The following ATXN7 variants were observed in gnomAD, a reference collection of about 807,000 sequenced individuals.
ATXN7 encodes the protein ataxin 7.
Under a neutral mutation model 70.5 loss-of-function variants are expected in ATXN7, and 12 were observed. The observed-to-expected ratio is 0.17, with a 90% CI of 0.11 to 0.28. ATXN7 has a LOEUF of 0.28. Ranked by LOEUF, ATXN7 falls within the 10% of genes least tolerant of loss-of-function variation. The pLI, the probability that ATXN7 is intolerant of heterozygous loss-of-function variation, is 1.00. For missense variants in ATXN7, 1,256 were observed against 1,131.7 expected (o/e 1.11, Z -1.58); for synonymous variants, 498 against 448.7 (o/e 1.11, Z -1.39).
chr3:63,985,427 C>T (rs1033404167), intron 8 of ATXN7, among the ~76,000 whole-genome samples: 5 of 152,226 alleles, frequency 3.3e-5, no homozygotes, highest in Non-Finnish European at 4.4e-5. Context: ...CAGCATCCAC[C>T]AGGCCTGCCC....
chr3:63,948,409 C>G (rs1363282841), intron 4 of ATXN7, among the ~76,000 whole-genome samples: 1 of 152,052 alleles, frequency 6.6e-6, no homozygotes, highest in Non-Finnish European at 1.5e-5. Flanking sequence ...TATAAGACAT[C>G]TAGATGGTAA....
At position 63,912,755 on chromosome 3, in the gene ATXN7, C is replaced by T. The variant is rs1704095391; in HGVS notation, c.157C>T (p.Pro53Ser). 1.5e-6 allele frequency: 2 copies of T among 1,318,824 alleles called. No homozygotes were observed. Among genetic ancestry groups the T allele is most frequent in the Non-Finnish European group, 1.9e-6 (2 of 1,033,826 alleles). The allele number at this position is 1,318,824 out of a possible 1,614,324, so 81.7% of individuals were successfully genotyped here. A position where few individuals can be genotyped will look rare whatever the true frequency, so the allele number is the denominator to read the frequency against. Reference sequence around the variant, plus strand: ...GCCCCAGCGGCAGCAGCACCCGCCACCGCCGCCACGGCGCACACGGCCGGA... The same window carrying T: ...GCCCCAGCGGCAGCAGCACCCGCCATCGCCGCCACGGCGCACACGGCCGGA... ...PQPQRQQHPP[P>S]PPRRTRPEDG... Residue 53 changes from proline to serine, a missense_variant, in exon 3 of 13, where the codon CCG (proline) becomes TCG (serine). Pro to Ser is a moderately conservative substitution (Grantham distance 74, BLOSUM62 -1). Transcript: ENST00000674280.
intron 4 of ATXN7, among the ~76,000 whole-genome samples, chr3:63,929,141 A>C (rs1345116232): frequency 6.6e-6 from 1 of 152,176 alleles, no homozygotes; most frequent in Non-Finnish European, 1.5e-5. Flanking sequence ...GAAATGGCGT[A>C]TTTATTACCC....
At chr3:63,953,748 T>A (rs1372807121) in intron 5 of ATXN7, among the ~76,000 whole-genome samples, 3 of 151,846 alleles carry the variant, frequency 2.0e-5, no homozygotes, top group Non-Finnish European at 4.4e-5. Flanking sequence ...CCTCCCAGAT[T>A]CAAGCAATTC....
At chr3:63,876,300 C>G (rs570943826) in intron 1 of ATXN7, among the ~76,000 whole-genome samples, 1 of 152,130 alleles carries the variant, frequency 6.6e-6, no homozygotes, top group African/African-American at 2.4e-5. Flanking sequence ...CATAGCTCCT[C>G]TTAGCTGCTC....
intron 5 of ATXN7, among the ~76,000 whole-genome samples, chr3:63,977,566 T>C (rs926218373): frequency 3.9e-5 from 6 of 152,236 alleles, no homozygotes; most frequent in African/African-American, 1.4e-4. Context: ...GTTTATATAA[T>C]AAGCTTATTG....
intron 4 of ATXN7, among the ~76,000 whole-genome samples, chr3:63,920,759 G>C (rs1704481879): frequency 6.6e-6 from 1 of 152,062 alleles, no homozygotes; most frequent in Non-Finnish European, 1.5e-5. Flanking sequence ...GAAAGCTAAG[G>C]TTGCAGCAGA....
At chr3:63,983,874 G>A (rs1273249293) in intron 8 of ATXN7, among the ~76,000 whole-genome samples, 2 of 152,128 alleles carry the variant, frequency 1.3e-5, no homozygotes, top group Non-Finnish European at 2.9e-5. Context: ...GGTTCAAGAA[G>A]CATTCAGAGT....
At chr3:63,892,374 C>CCACACACACACACACA (rs56293497) in intron 1 of ATXN7, among the ~76,000 whole-genome samples, 1 of 133,384 alleles carries the variant, frequency 7.5e-6, no homozygotes, top group South Asian at 2.6e-4. Context: ...GACACCTCTA[C>CCACACACACACACACA]CACACACACA....
intron 1 of ATXN7, among the ~76,000 whole-genome samples, chr3:63,870,249 C>T (rs1188241305): frequency 1.3e-5 from 2 of 152,186 alleles, no homozygotes; most frequent in South Asian, 4.2e-4. Context: ...TTTTTTCAAC[C>T]ATTTAAAAAT....
chr3:63,880,360 G>A (rs996656690), intron 1 of ATXN7, among the ~76,000 whole-genome samples: 2 of 152,146 alleles, frequency 1.3e-5, no homozygotes, highest in Non-Finnish European at 2.9e-5. Context: ...TACAGTTGCC[G>A]TGTCCTAGAA....
intron 12 of ATXN7, among the ~76,000 whole-genome samples, chr3:63,997,232 G>A (rs1042062896): frequency 2.0e-5 from 3 of 152,024 alleles, no homozygotes; most frequent in Non-Finnish European, 4.4e-5. Flanking sequence ...CACTCCATCC[G>A]GCCTATGAGA....
intron 1 of ATXN7, among the ~76,000 whole-genome samples, chr3:63,871,852 TG>T (rs1358472534): frequency 8.7e-5 from 13 of 148,588 alleles, no homozygotes; most frequent in Non-Finnish European, 1.8e-4. Flanking sequence ...TAATCTGGTT[TG>T]TTTTTAAATT....
chr3:63,900,399 T>A (rs540995551), intron 2 of ATXN7, among the ~76,000 whole-genome samples: 1 of 152,348 alleles, frequency 6.6e-6, no homozygotes, highest in East Asian at 1.9e-4. Context: ...TGTTGAGATG[T>A]TTGAAAGAAC....
At chr3:63,958,884 A>G (rs1200945479) in intron 5 of ATXN7, among the ~76,000 whole-genome samples, 1 of 152,176 alleles carries the variant, frequency 6.6e-6, no homozygotes, top group Admixed American at 6.5e-5. Flanking sequence ...TCTACCTACT[A>G]ACATTGATTT....
At chr3:63,993,551 T>G (rs986224952) in intron 11 of ATXN7, among the ~76,000 whole-genome samples, 1 of 152,100 alleles carries the variant, frequency 6.6e-6, no homozygotes, top group African/African-American at 2.4e-5. Flanking sequence ...CCACAGACAT[T>G]TTTATTATTT....
intron 1 of ATXN7, among the ~76,000 whole-genome samples, chr3:63,879,978 C>T (rs770231280): frequency 1.6e-4 from 24 of 151,462 alleles, no homozygotes; most frequent in Admixed American, 2.6e-4. Flanking sequence ...CCCTGCTACT[C>T]GGGAGGCTGA....
At chr3:63,865,836 A>C (rs1043055263) in intron 1 of ATXN7, among the ~76,000 whole-genome samples, 1 of 131,506 alleles carries the variant, frequency 7.6e-6, no homozygotes, top group Non-Finnish European at 1.6e-5. Context: ...CGGAGCTTGC[A>C]GTGAGCCCAG....
At position 64,001,116 on chromosome 3, in the gene ATXN7, T is replaced by C. The variant is rs1411869242; in HGVS notation, c.*1649T>C. On this transcript the variant is annotated 3_prime_UTR_variant, in exon 13 of 13. Coordinates refer to ENST00000674280, the MANE Select transcript of ATXN7 (RefSeq NM_001377405.1). ...TCAAGTCAACAACAGGTAGAATGAA[T>C]AAACTTGGTTACCAGCCTAATAATG... 6.6e-6 allele frequency: 1 copy of C among 152,170 alleles called. No homozygotes were observed. Among genetic ancestry groups the C allele is most frequent in the Non-Finnish European group, 1.5e-5 (1 of 68,022 alleles). The allele number at this position is 152,170 out of a possible 1,614,324, so 9.4% of individuals were successfully genotyped here. A position where few individuals can be genotyped will look rare whatever the true frequency, so the allele number is the denominator to read the frequency against.
Sources: allele counts gnomAD v4.1 joint callset (sites outside exome capture counted in the v4.1 genomes callset), GRCh38; gene constraint gnomAD v4.1.1; transcripts MANE v1.5; gene names NCBI Gene and HGNC (gene_info 2026-07-23, HGNC 2026-07-21).